SLC16A9: variants seen among roughly 807,000 people sequenced by gnomAD.
SLC16A9 encodes solute carrier family 16 member 9.
Under a neutral mutation model 44.3 loss-of-function variants are expected in SLC16A9, and 26 were observed. The observed-to-expected ratio is 0.59, with a 90% CI of 0.43 to 0.81. SLC16A9 has a LOEUF of 0.81. Ranked by LOEUF, SLC16A9 falls within the 40% of genes least tolerant of loss-of-function variation. The pLI is 0.00. For missense variants in SLC16A9, 559 were observed against 595.8 expected (o/e 0.94, Z 0.64); for synonymous variants, 230 against 225.1 (o/e 1.02, Z -0.19).
At chr10:59,690,463 C>T (rs951004079) in intron 1 of SLC16A9, among the ~76,000 whole-genome samples, 2 of 152,090 alleles carry the variant, frequency 1.3e-5, no homozygotes, top group African/African-American at 4.8e-5. Flanking sequence ...AATGAAAGCA[C>T]TCAAGATGGG....
intron 4 of SLC16A9, among the ~76,000 whole-genome samples, chr10:59,663,643 G>A (rs377326210): frequency 3.9e-5 from 6 of 152,182 alleles, no homozygotes; most frequent in East Asian, 3.9e-4. Context: ...AGCATTAGGA[G>A]AAATACCTAA....
intron 1 of SLC16A9, among the ~76,000 whole-genome samples, chr10:59,706,380 A>C (rs948173732): frequency 6.6e-6 from 1 of 152,192 alleles, no homozygotes; most frequent in Non-Finnish European, 1.5e-5. Context: ...TTTTGCAATC[A>C]TTAATTAAAA....
rs765655639 is a variant in SLC16A9, at chr10:59,684,331, A to C, written c.-36-4T>G. ...AGGAGGCGTTTCTCTGCAGGTCCTA[A>C]ACAAAAACAAACAGAAAAGAGAATC... On this transcript the variant is annotated splice_region_variant and splice_polypyrimidine_tract_variant and intron_variant, in intron 1 of 5. Coordinates refer to ENST00000395348, the MANE Select transcript of SLC16A9 (RefSeq NM_194298.3). The C allele has an allele frequency of 1.3e-6, 2 of 1,540,696 alleles. No homozygotes were observed. Among genetic ancestry groups the C allele is most frequent in the Non-Finnish European group, 1.8e-6 (2 of 1,124,994 alleles).
At chr10:59,707,316 A>G (rs1589004331) in intron 1 of SLC16A9, among the ~76,000 whole-genome samples, 2 of 84,930 alleles carry the variant, frequency 2.4e-5, no homozygotes, top group African/African-American at 9.5e-5. Flanking sequence ...AGGGAAGGGA[A>G]GGGAAGGGAA....
intron 1 of SLC16A9, among the ~76,000 whole-genome samples, chr10:59,689,501 T>C (rs987134383): frequency 6.6e-6 from 1 of 152,192 alleles, no homozygotes; most frequent in Non-Finnish European, 1.5e-5. Context: ...GAATCTTGAT[T>C]GAAATGCCTG....
chr10:59,683,957 ACAAT>A, intron 2 of SLC16A9, 135 bp downstream of exon 2: 1 of 584,858 alleles, frequency 1.7e-6, no homozygotes, highest in Non-Finnish European at 2.8e-6. Context: ...CAGTGAAAGT[ACAAT>A]CATTGCAATG....
chr10:59,656,387 T>C (rs1839349105), intron 4 of SLC16A9, among the ~76,000 whole-genome samples: 1 of 152,238 alleles, frequency 6.6e-6, no homozygotes, highest in Non-Finnish European at 1.5e-5. Flanking sequence ...AGTTCTATAT[T>C]TTCACACAGA....
At chr10:59,672,220 T>C (rs1476102211) in intron 3 of SLC16A9, among the ~76,000 whole-genome samples, 2 of 152,172 alleles carry the variant, frequency 1.3e-5, no homozygotes, top group African/African-American at 4.8e-5. Context: ...TCCTCCCCTG[T>C]AACCAGCATC....
chr10:59,664,992 G>T (rs571249805), intron 3 of SLC16A9, among the ~76,000 whole-genome samples: 258 of 151,584 alleles, frequency 1.7e-3, no homozygotes, highest in African/African-American at 5.9e-3. Flanking sequence ...GTGAGCATAT[G>T]GTTGTTTGCT....
chr10:59,650,960 G>A lies in SLC16A9; in HGVS notation c.*1812C>T, dbSNP rs527817275. ...GTTTCCTGAACATAACTGGCAAAAAGGAACTTTCAACACAACAAGTAGTTT... is the reference window on the plus strand; with the variant it reads ...GTTTCCTGAACATAACTGGCAAAAAAGAACTTTCAACACAACAAGTAGTTT... On this transcript the variant is annotated 3_prime_UTR_variant, in exon 6 of 6. Coordinates refer to ENST00000395348, the MANE Select transcript of SLC16A9 (RefSeq NM_194298.3). 1 of 151,396 alleles carries A rather than the reference G, an allele frequency of 6.6e-6. No individual in the cohort carries two copies. The highest frequency in any genetic ancestry group is 1.9e-4 in the East Asian group (1 of 5,170). The allele number at this position is 151,396 out of a possible 1,614,324, so 9.4% of individuals were successfully genotyped here. A position where few individuals can be genotyped will look rare whatever the true frequency, so the allele number is the denominator to read the frequency against.
chr10:59,673,806 A>C (rs1588973912), intron 2 of SLC16A9, among the ~76,000 whole-genome samples: 1 of 152,338 alleles, frequency 6.6e-6, no homozygotes, highest in Admixed American at 6.5e-5. Flanking sequence ...ATAAACACCT[A>C]GAGTTATATA....
In SLC16A9 at chr10:59,696,997, C is replaced by G. The variant is rs1230186411; in HGVS notation, c.-37+12482G>C. Among the ~76,000 whole-genome samples, 162 of 107,868 alleles carry G rather than the reference C, an allele frequency of 1.5e-3. 8 individuals are homozygous for G. Among genetic ancestry groups the G allele is most frequent in the African/African-American group, 5.0e-3 (156 of 31,308 alleles). 70.8% of individuals were successfully genotyped at this position (107,868 alleles called of 152,430 possible). A position where few individuals can be genotyped will look rare whatever the true frequency, so the allele number is the denominator to read the frequency against. On this transcript the variant is annotated intron_variant, in intron 1 of 5. Transcript: ENST00000395348. ...AAGGGAGGTGGGGGGGTCAGCCCCC[C>G]GCCCGGCCAGCCGCCCCGTCCGGGA...
intron 2 of SLC16A9, among the ~76,000 whole-genome samples, chr10:59,678,540 C>CTCTTTTTTTTTTTT (rs1839910545): frequency 4.5e-5 from 1 of 22,330 alleles, no homozygotes; most frequent in African/African-American, 9.7e-5. Context: ...TTTTCTTTTT[C>CTCTTTTTTTTTTTT]TTTTTCTTTT....
At chr10:59,653,443 A>AAAAAAAAT (rs1839262239) in intron 5 of SLC16A9, among the ~76,000 whole-genome samples, 1 of 149,350 alleles carries the variant, frequency 6.7e-6, no homozygotes, top group African/African-American at 2.5e-5. Flanking sequence ...AAAAAAAAAA[A>AAAAAAAAT]AAGCAGGCAT....
At chr10:59,683,157 G>T (rs192112478) in intron 2 of SLC16A9, among the ~76,000 whole-genome samples, 62 of 152,310 alleles carry the variant, frequency 4.1e-4, no homozygotes, top group Middle Eastern at 3.4e-3. Flanking sequence ...AATAGAGATT[G>T]TGATTTGCTC....
At chr10:59,658,365 G>T (rs578256037) in intron 4 of SLC16A9, among the ~76,000 whole-genome samples, 1,937 of 151,856 alleles carry the variant, frequency 0.013, 26 homozygotes, top group Middle Eastern at 0.034. Flanking sequence ...CAGGCCATTT[G>T]TTACTCATAA....
chr10:59,660,417 C>T (rs1839444985), intron 4 of SLC16A9, among the ~76,000 whole-genome samples: 2 of 152,230 alleles, frequency 1.3e-5, no homozygotes, highest in African/African-American at 4.8e-5. Context: ...TGGATAAATT[C>T]CTGGACACAC....
At chr10:59,688,708 T>C (rs1268314232) in intron 1 of SLC16A9, among the ~76,000 whole-genome samples, 1 of 151,322 alleles carries the variant, frequency 6.6e-6, no homozygotes, top group South Asian at 2.1e-4. Flanking sequence ...TAGGATATGA[T>C]AGAAATAGCC....
intron 3 of SLC16A9, among the ~76,000 whole-genome samples, chr10:59,665,994 T>C (rs1839607228): frequency 1.3e-5 from 2 of 152,088 alleles, no homozygotes; most frequent in African/African-American, 4.8e-5. Context: ...ACTTTAAATT[T>C]GTCAGAAAGC....
Sources: allele counts gnomAD v4.1 joint callset (sites outside exome capture counted in the v4.1 genomes callset), GRCh38; gene constraint gnomAD v4.1.1; transcripts MANE v1.5; gene names NCBI Gene and HGNC (gene_info 2026-07-23, HGNC 2026-07-21).